The following LRRTM4 variants were observed in gnomAD, a reference collection of about 807,000 sequenced individuals.
LRRTM4 encodes the protein leucine rich repeat transmembrane neuronal 4.
Under a neutral mutation model 47.6 loss-of-function variants are expected in LRRTM4, and 25 were observed. That is an observed-to-expected ratio of 0.53 (90% confidence interval 0.38 to 0.73). The LOEUF (loss-of-function observed/expected upper bound fraction) is 0.73. LRRTM4 is among the 30% of genes least tolerant of loss of function. LRRTM4 has a pLI of 0.00. For synonymous variants in LRRTM4, 311 were observed against 269.5 expected, an observed-to-expected ratio of 1.15 and a Z score of -1.51; for missense variants, 638 against 713.4, an observed-to-expected ratio of 0.89 and a Z score of 1.20.
chr2:77,303,288 TG>T (rs1478030386), intron 3 of LRRTM4, among the ~76,000 whole-genome samples: 2 of 150,368 alleles, frequency 1.3e-5, no homozygotes, highest in African/African-American at 5.0e-5. Flanking sequence ...CAAAAAAAAA[TG>T]GTGTCCTTTC....
chr2:76,937,316 G>T (rs1164223730), intron 3 of LRRTM4, among the ~76,000 whole-genome samples: 1 of 152,036 alleles, frequency 6.6e-6, no homozygotes. Context: ...GCCATAATCA[G>T]ATATGGAGGA....
intron 3 of LRRTM4, among the ~76,000 whole-genome samples, chr2:77,173,352 A>G (rs184495726): frequency 6.6e-6 from 1 of 152,248 alleles, no homozygotes; most frequent in Admixed American, 6.5e-5. Context: ...TTTATTTTTG[A>G]TCTCCTCATA....
chr2:77,121,289 T>C (rs1671515008), intron 3 of LRRTM4, among the ~76,000 whole-genome samples: 1 of 151,824 alleles, frequency 6.6e-6, no homozygotes, highest in Admixed American at 6.6e-5. Context: ...AGCTTTTCAT[T>C]GTTATAAAGA....
At chr2:77,078,029 G>T (rs992368482) in intron 3 of LRRTM4, among the ~76,000 whole-genome samples, 24 of 152,162 alleles carry the variant, frequency 1.6e-4, no homozygotes, top group Non-Finnish European at 3.2e-4. Context: ...TACAGGCAGT[G>T]AACTGCAGAC....
intron 3 of LRRTM4, among the ~76,000 whole-genome samples, chr2:77,271,457 T>C (rs773530269): frequency 2.6e-5 from 4 of 152,206 alleles, no homozygotes; most frequent in Non-Finnish European, 5.9e-5. Flanking sequence ...TGCCAGCACC[T>C]GGAGCAGCCA....
intron 3 of LRRTM4, among the ~76,000 whole-genome samples, chr2:77,042,893 T>C (rs17406465): frequency 0.12 from 18,314 of 151,630 alleles, 1,389 homozygotes; most frequent in Admixed American, 0.19. Context: ...TGGTCAAGGA[T>C]AAGACTTTTT....
chr2:77,180,991 C>G (rs951061305), intron 3 of LRRTM4, among the ~76,000 whole-genome samples: 1 of 151,974 alleles, frequency 6.6e-6, no homozygotes, highest in Admixed American at 6.6e-5. Flanking sequence ...AATCTTTTTT[C>G]TTTAAAAGAT....
intron 3 of LRRTM4, among the ~76,000 whole-genome samples, chr2:77,457,004 GTA>G (rs1171771344): frequency 0.054 from 1,234 of 22,662 alleles, 12 homozygotes; most frequent in South Asian, 0.068. Context: ...GTGTGTGTGT[GTA>G]TATATATATA....
At chr2:77,276,863 T>G (rs376464885) in intron 3 of LRRTM4, among the ~76,000 whole-genome samples, 33 of 151,352 alleles carry the variant, frequency 2.2e-4, no homozygotes, top group African/African-American at 8.0e-4. Context: ...ACAGGAGAGC[T>G]TCATCTGATA....
chr2:77,239,714 A>T (rs911379173), intron 3 of LRRTM4, among the ~76,000 whole-genome samples: 12 of 151,912 alleles, frequency 7.9e-5, no homozygotes, highest in Admixed American at 7.2e-4. Context: ...CATCAAGGAG[A>T]TATAATAACC....
intron 3 of LRRTM4, among the ~76,000 whole-genome samples, chr2:77,501,726 T>A (rs1459631087): frequency 3.3e-5 from 5 of 151,286 alleles, no homozygotes; most frequent in Non-Finnish European, 7.4e-5. Context: ...CGATTTGCAA[T>A]GTTTATAGAA....
At chr2:76,809,370 A>AGGC (rs1178104391) in intron 3 of LRRTM4, among the ~76,000 whole-genome samples, 1 of 152,062 alleles carries the variant, frequency 6.6e-6, no homozygotes. Flanking sequence ...CCCCCTCCCC[A>AGGC]GTGTTCCCTT....
chr2:76,812,144 A>T (rs544115680), intron 3 of LRRTM4, among the ~76,000 whole-genome samples: 1 of 152,302 alleles, frequency 6.6e-6, no homozygotes, highest in South Asian at 2.1e-4. Context: ...TGAATAATAA[A>T]CACAGCTAGT....
intron 3 of LRRTM4, among the ~76,000 whole-genome samples, chr2:77,270,100 A>T (rs1490214662): frequency 6.6e-6 from 1 of 152,214 alleles, no homozygotes; most frequent in Admixed American, 6.5e-5. Context: ...ATTTATTGAT[A>T]AGGCAGCACT....
chr2:77,339,598 A>G (rs1178753510), intron 3 of LRRTM4, among the ~76,000 whole-genome samples: 2 of 152,186 alleles, frequency 1.3e-5, no homozygotes, highest in South Asian at 2.1e-4. Flanking sequence ...GTAAAAATGA[A>G]GTGGTGAAGA....
At chr2:77,119,827 A>G (rs969364495) in intron 3 of LRRTM4, among the ~76,000 whole-genome samples, 2 of 151,694 alleles carry the variant, frequency 1.3e-5, no homozygotes, top group Non-Finnish European at 3.0e-5. Flanking sequence ...CTTCGTTTCT[A>G]CTCTTTAGAT....
At chr2:77,101,929 C>T (rs1015745285) in intron 3 of LRRTM4, among the ~76,000 whole-genome samples, 1 of 152,174 alleles carries the variant, frequency 6.6e-6, no homozygotes, top group Non-Finnish European at 1.5e-5. Context: ...CTACATGAGT[C>T]TTCAAAAAAA....
chr2:76,919,944 A>C (rs1482667080), intron 3 of LRRTM4, among the ~76,000 whole-genome samples: 1 of 152,112 alleles, frequency 6.6e-6, no homozygotes, highest in Non-Finnish European at 1.5e-5. Context: ...CAATCGGAAG[A>C]CATTCTCATA....
chr2:77,033,067 T>A (rs1678717165), intron 3 of LRRTM4, among the ~76,000 whole-genome samples: 1 of 152,068 alleles, frequency 6.6e-6, no homozygotes, highest in South Asian at 2.1e-4. Context: ...AATGGTAATC[T>A]GATGTTTTAA....
Sources: allele counts gnomAD v4.1 joint callset (sites outside exome capture counted in the v4.1 genomes callset), GRCh38; gene constraint gnomAD v4.1.1; transcripts MANE v1.5; gene names NCBI Gene and HGNC (gene_info 2026-07-23, HGNC 2026-07-21).